The following PTPRZ1 variants were observed in gnomAD, a reference collection of about 807,000 sequenced individuals.
PTPRZ1 encodes receptor-type tyrosine-protein phosphatase zeta.
Under a neutral mutation model 214.1 loss-of-function variants are expected in PTPRZ1, and 82 were observed. The ratio of observed to expected loss-of-function variants is 0.38; its 90% CI spans 0.32 to 0.46. The LOEUF is 0.46. Ranked by LOEUF, PTPRZ1 falls within the 20% of genes least tolerant of loss-of-function variation. The pLI is 1.00. For synonymous variants in PTPRZ1, 945 were observed against 987.9 expected (o/e 0.96, Z 0.81); for missense variants, 2,603 against 2,748.7 (o/e 0.95, Z 1.19).
chr7:122,033,001 A>G (rs1799428123), intron 15 of PTPRZ1, among the ~76,000 whole-genome samples: 1 of 152,130 alleles, frequency 6.6e-6, no homozygotes, highest in South Asian at 2.1e-4. Flanking sequence ...AAAAATAGAC[A>G]ATTTATAATA....
chr7:121,928,539 G>T (rs181658900), intron 2 of PTPRZ1, among the ~76,000 whole-genome samples: 1 of 152,152 alleles, frequency 6.6e-6, no homozygotes, highest in Admixed American at 6.5e-5. Flanking sequence ...GCTGTTCTGA[G>T]CATTAAATGA....
At chr7:121,907,847 C>T (rs1441988606) in intron 1 of PTPRZ1, among the ~76,000 whole-genome samples, 2 of 151,814 alleles carry the variant, frequency 1.3e-5, no homozygotes, top group Non-Finnish European at 2.9e-5. Context: ...TCTGAATTAC[C>T]TTGATTATTT....
intron 1 of PTPRZ1, among the ~76,000 whole-genome samples, chr7:121,897,803 C>T (rs1001286285): frequency 1.3e-5 from 2 of 152,116 alleles, no homozygotes; most frequent in African/African-American, 4.8e-5. Context: ...GATCAAGAAA[C>T]ACTAAGTGAT....
chr7:122,051,663 A>G, intron 24 of PTPRZ1, 142 bp downstream of exon 24: 1 of 842,450 alleles, frequency 1.2e-6, no homozygotes, highest in South Asian at 1.7e-5. Context: ...AACTGTTCCA[A>G]AGGACTCATA....
chr7:122,008,163 G>A (rs899816326), intron 11 of PTPRZ1, among the ~76,000 whole-genome samples: 2 of 152,124 alleles, frequency 1.3e-5, no homozygotes, highest in African/African-American at 2.4e-5. Context: ...GGATGTTTAT[G>A]TGGAAATATA....
At chr7:121,983,154 G>A (rs569908357) in intron 6 of PTPRZ1, among the ~76,000 whole-genome samples, 7 of 152,170 alleles carry the variant, frequency 4.6e-5, no homozygotes, top group South Asian at 4.1e-4. Flanking sequence ...TAAGATTTTC[G>A]TTTCTTTTTT....
chr7:121,949,639 A>T (rs1796494727), intron 2 of PTPRZ1, among the ~76,000 whole-genome samples: 1 of 151,960 alleles, frequency 6.6e-6, no homozygotes, highest in Non-Finnish European at 1.5e-5. Context: ...GGCTCAGGAA[A>T]CTACAAGGTG....
intron 1 of PTPRZ1, among the ~76,000 whole-genome samples, chr7:121,876,200 C>G (rs1794053907): frequency 6.6e-6 from 1 of 152,040 alleles, no homozygotes; most frequent in Non-Finnish European, 1.5e-5. Flanking sequence ...ATACATGAAC[C>G]AAAACAAATT....
chr7:121,947,926 G>A (rs6466808), intron 2 of PTPRZ1, among the ~76,000 whole-genome samples: 55,023 of 151,968 alleles, frequency 0.36, 10,157 homozygotes, highest in South Asian at 0.43. Flanking sequence ...CTGAATTCTC[G>A]GTAGCTGCTG....
chr7:122,001,091 C>T (rs979062505), intron 10 of PTPRZ1, among the ~76,000 whole-genome samples: 5 of 152,082 alleles, frequency 3.3e-5, no homozygotes, highest in Non-Finnish European at 7.4e-5. Context: ...TAATAATTTG[C>T]TTACATTATT....
At chr7:121,981,463 C>T (rs1797609786) in intron 6 of PTPRZ1, among the ~76,000 whole-genome samples, 1 of 152,174 alleles carries the variant, frequency 6.6e-6, no homozygotes, top group Non-Finnish European at 1.5e-5. Context: ...ATAGAGAGGG[C>T]AGAGGACTTG....
At chr7:121,908,720 G>A (rs2116297572) in intron 1 of PTPRZ1, 1 of 480,216 alleles carries the variant, frequency 2.1e-6, no homozygotes, top group East Asian at 5.7e-5. Flanking sequence ...ATCTAAAAAT[G>A]TTTTCAATAA....
chr7:121,983,875 TTA>T (rs1797692810), intron 7 of PTPRZ1, 53 bp downstream of exon 7: 21 of 1,593,948 alleles, frequency 1.3e-5, no homozygotes, highest in Admixed American at 5.2e-5. Context: ...TTAAAAAACA[TTA>T]TGTTCTAAGT....
At chr7:121,883,116 T>C (rs763210093) in intron 1 of PTPRZ1, among the ~76,000 whole-genome samples, 3 of 152,162 alleles carry the variant, frequency 2.0e-5, no homozygotes, top group Non-Finnish European at 2.9e-5. Flanking sequence ...AACCTGATTA[T>C]TTATTGAATG....
At chr7:121,919,412 T>C (rs1000062124) in intron 1 of PTPRZ1, among the ~76,000 whole-genome samples, 1 of 152,106 alleles carries the variant, frequency 6.6e-6, no homozygotes, top group Non-Finnish European at 1.5e-5. Flanking sequence ...ATTTGTTTAA[T>C]GTATTTTAAC....
At chr7:121,933,454 G>T (rs1795983992) in intron 2 of PTPRZ1, among the ~76,000 whole-genome samples, 1 of 151,864 alleles carries the variant, frequency 6.6e-6, no homozygotes, top group African/African-American at 2.4e-5. Flanking sequence ...ATGTTCTCAG[G>T]TATTCTTAAA....
intron 23 of PTPRZ1, among the ~76,000 whole-genome samples, chr7:122,048,655 A>T (rs1173550669): frequency 6.6e-6 from 1 of 152,154 alleles, no homozygotes; most frequent in East Asian, 1.9e-4. Context: ...ACTAAAAAGA[A>T]TTTTTAAAGG....
chr7:121,892,679 C>CATATATAT (rs58030102), intron 1 of PTPRZ1, among the ~76,000 whole-genome samples: 2,111 of 97,474 alleles, frequency 0.022, 101 homozygotes, highest in Non-Finnish European at 0.028. Context: ...TCAAGCATCT[C>CATATATAT]ATATATATAT....
At chr7:121,914,485 C>T (rs1456446897) in intron 1 of PTPRZ1, among the ~76,000 whole-genome samples, 1 of 152,020 alleles carries the variant, frequency 6.6e-6, no homozygotes, top group Non-Finnish European at 1.5e-5. Context: ...GAAAGGCGTC[C>T]GAGTGTGTGT....
Sources: gnomAD v4.1 joint callset for allele counts (sites outside exome capture counted in the v4.1 genomes callset) on GRCh38, gnomAD v4.1.1 for gene constraint, MANE v1.5 for transcripts, NCBI Gene and HGNC (gene_info 2026-07-23, HGNC 2026-07-21) for gene names.